Variants in SH2B1 observed in about 807,000 individuals in gnomAD.
SH2B1 encodes the protein SH2B adapter protein 1.
Under a neutral mutation model 62.6 loss-of-function variants are expected in SH2B1, and 15 were observed. That is an observed-to-expected ratio of 0.24 (90% CI 0.16 to 0.37). The LOEUF is 0.37. Among genes scored for constraint, SH2B1 ranks in the 10% least tolerant of loss-of-function variants. The pLI is 1.00. For missense variants in SH2B1, 925 were observed against 1,015.6 expected, an observed-to-expected ratio of 0.91 and a Z score of 1.21; for synonymous variants, 443 against 438.0, an observed-to-expected ratio of 1.01 and a Z score of -0.14.
rs1052880024 is a variant in SH2B1, at chr16:28,864,134, TG to T, written c.-1955del. 25 of 1,191,708 alleles carry T rather than the reference TG, an allele frequency of 2.1e-5. No individual in the cohort carries two copies. Among genetic ancestry groups the T allele is most frequent in the Admixed American group, 2.1e-4 (5 of 24,310 alleles). 73.8% of individuals were successfully genotyped at this position (1,191,708 alleles called of 1,614,324 possible). On this transcript the variant is annotated 5_prime_UTR_variant, in exon 1 of 8. It removes the in-frame stop codon of an upstream open reading frame in the 5' UTR. Transcript: ENST00000684370. ...GATGCGGCCCCGGAAAATGGGCGGC[TG>T]GGGGGTGTCCAGGGAGTAGGGTCGG...
At chr16:28,871,022 TG>T (rs1311700664) in intron 4 of SH2B1, among the ~76,000 whole-genome samples, 59 of 151,104 alleles carry the variant, frequency 3.9e-4, no homozygotes, top group African/African-American at 1.4e-3. Flanking sequence ...TGTGTGTGTG[TG>T]TGTGTGTGTT....
In SH2B1 at chr16:28,865,644, G is replaced by A. The variant is rs1567466094; in HGVS notation, c.-451G>A. 2.0e-6 allele frequency: 2 copies of A among 990,874 alleles called. No individual in the cohort carries two copies. The highest frequency in any genetic ancestry group is 2.4e-6 in the Non-Finnish European group (2 of 833,960). The allele number at this position is 990,874 out of a possible 1,614,324, so 61.4% of individuals were successfully genotyped here. On this transcript the variant is annotated 5_prime_UTR_variant, in exon 1 of 8. Coordinates refer to ENST00000684370, the MANE Select transcript of SH2B1 (RefSeq NM_001387430.1). ...GGAAAGGTAAGATAACCAAGTGGGA[G>A]CCTCTAGAATGGCTCATGGGAAGTG... is the stretch of plus-strand genomic sequence containing the variant.
chr16:28,870,152 A>G (rs1477009484), intron 4 of SH2B1, among the ~76,000 whole-genome samples: 1 of 152,242 alleles, frequency 6.6e-6, no homozygotes, highest in Non-Finnish European at 1.5e-5. Context: ...ACATTTGTGT[A>G]GGCAGTGGCC....
intron 4 of SH2B1, among the ~76,000 whole-genome samples, chr16:28,870,300 C>T (rs1005636405): frequency 1.3e-5 from 2 of 152,116 alleles, no homozygotes; most frequent in African/African-American, 4.8e-5. Flanking sequence ...GACATCACTC[C>T]CTATAGAAAG....
rs756586015 is a variant in SH2B1, at chr16:28,872,776, A to T, written c.1897+71A>T. The T allele has an allele frequency of 1.9e-6, 3 of 1,574,172 alleles. No individual in the cohort carries two copies. Among genetic ancestry groups the T allele is most frequent in the Non-Finnish European group, 2.6e-6 (3 of 1,151,836 alleles). On this transcript the variant is annotated intron_variant, in intron 7 of 7. Coordinates refer to ENST00000684370, the MANE Select transcript of SH2B1 (RefSeq NM_001387430.1). This position sits in a 1 kb window ranked among gnomAD's most constrained non-coding sequence, Gnocchi z 5.3. ...GAAGTGAGGTGTGTGTGCCAGAAAG[A>T]TGGGGCGGGGAGGGGGGACTATCAC...
At chr16:28,852,929 T>TTTATATATGTAC (rs1962208100) in intron 1 of SH2B1, among the ~76,000 whole-genome samples, 2 of 59,762 alleles carry the variant, frequency 3.3e-5, no homozygotes, top group Non-Finnish European at 5.8e-5. Context: ...TATATATTTT[T>TTTATATATGTAC]ATATATATGT....
chr16:28,864,167 G>A lies in SH2B1; in HGVS notation c.-1928G>A, dbSNP rs1276747639. The stretch of plus-strand genomic sequence containing the variant: ...GTCCAGGGAGTAGGGTCGGATCGGA[G>A]TATATGGACCACCGGGCCCGGAGGG... On this transcript the variant is annotated 5_prime_UTR_variant, in exon 1 of 8. Coordinates refer to ENST00000684370, the MANE Select transcript of SH2B1 (RefSeq NM_001387430.1). 2 of 1,107,934 alleles carry A rather than the reference G, an allele frequency of 1.8e-6. No individual in the cohort carries two copies. The highest frequency in any genetic ancestry group is 7.3e-5 in the East Asian group (1 of 13,658). The allele number at this position is 1,107,934 out of a possible 1,614,324, so 68.6% of individuals were successfully genotyped here.
chr16:28,872,285 G>A lies in SH2B1; in HGVS notation c.1609G>A (p.Ala537Thr). 6.2e-7 allele frequency: 1 copy of A among 1,614,090 alleles called. No homozygotes were observed. ...WFHGMLSRLK[A>T]AQLVLTGGTG... is the part of the protein sequence containing the mutation. ...CCACGGGATGCTCTCTCGGCTCAAGGCTGCACAGTTGGTGCTGACTGGCGG... is the reference window on the plus strand; with the variant it reads ...CCACGGGATGCTCTCTCGGCTCAAGACTGCACAGTTGGTGCTGACTGGCGG... Residue 537 changes from alanine (A) to threonine (T), a missense_variant, in exon 6 of 8, where the codon GCT becomes ACT. By Grantham distance (58) the Ala-to-Thr change is moderately conservative (BLOSUM62 0). This residue lies in a region of SH2B1 where 57 missense variants were observed against 122.1 expected (regional missense o/e 0.47). Transcript: ENST00000684370. This position sits in a 1 kb window ranked among gnomAD's most constrained non-coding sequence, Gnocchi z 5.3.
intron 1 of SH2B1, among the ~76,000 whole-genome samples, chr16:28,847,189 G>A (rs1284696639): frequency 6.6e-6 from 1 of 152,206 alleles, no homozygotes; most frequent in Non-Finnish European, 1.5e-5. Flanking sequence ...AGCTAGGGGA[G>A]CCTTTAAGGG....
At position 28,872,224 on chromosome 16, in the gene SH2B1, T is replaced by G; in HGVS notation, c.1548T>G (p.Gly516=). Residue 516 remains glycine, a synonymous_variant, in exon 6 of 8, where the codon GGT becomes GGG. Coordinates refer to ENST00000684370, the MANE Select transcript of SH2B1 (RefSeq NM_001387430.1). The surrounding 1 kb of genome is among the most constrained non-coding windows in gnomAD (Gnocchi z 5.3). The part of the protein sequence containing the change: ...SFLFQGEPEG[G]EGDQPLSGYP... ...TGTTCCAGGGGGAGCCAGAGGGCGG[T>G]GAGGGGGACCAGCCCCTCTCAGGGT... 1 of 1,613,646 alleles carries G rather than the reference T, an allele frequency of 6.2e-7. No individual in the cohort carries two copies. Among genetic ancestry groups the G allele is most frequent in the South Asian group, 1.1e-5 (1 of 91,066 alleles).
At chr16:28,861,685 C>G (rs546877470), upstream of SH2B1, 3 of 152,214 alleles carry the variant, frequency 2.0e-5, no homozygotes, top group African/African-American at 7.2e-5. Flanking sequence ...CCGCCTGTCT[C>G]GGCCTCCCAA....
chr16:28,852,511 C>CATATATATTTATATATACAT (rs1567458713), intron 1 of SH2B1, among the ~76,000 whole-genome samples: 1 of 42,782 alleles, frequency 2.3e-5, no homozygotes, highest in Non-Finnish European at 3.6e-5. Context: ...TATATATATA[C>CATATATATTTATATATACAT]ACATATATTT....
rs1026098410 is a variant in SH2B1 at position 28,864,527 on chromosome 16, T to G, written c.-1568T>G. ...AGTTGTCCCTGCGGTTGGAGCCATC[T>G]GAGCTTGTAGGGTCGAGGCCCAGGA... On this transcript the variant is annotated 5_prime_UTR_variant, in exon 1 of 8. Transcript: ENST00000684370. 1.0e-6 allele frequency: 1 copy of G among 985,664 alleles called. No homozygotes were observed. Among genetic ancestry groups the G allele is most frequent in the African/African-American group, 1.7e-5 (1 of 57,222 alleles). The allele number at this position is 985,664 out of a possible 1,614,324, so 61.1% of individuals were successfully genotyped here.
Position 28,871,971 on chromosome 16 carries a change from G to A in SH2B1, c.1501G>A (p.Glu501Lys). 6.2e-7 allele frequency: 1 copy of A among 1,602,992 alleles called. No individual in the cohort carries two copies. Among genetic ancestry groups the A allele is most frequent in the African/African-American group, 1.3e-5 (1 of 74,634 alleles). ...CCCCTACCCTCCCTTGGACACTCCG[G>A]AAACAGCCACAGGTACCGGAGGTGT... is the stretch of plus-strand genomic sequence containing the variant. ...SAPYPPLDTP[E>K]TATGSFLFQG... Residue 501 changes from glutamate to lysine, a missense_variant, in exon 5 of 8, where the codon GAA (glutamate) becomes AAA (lysine). Physicochemically the swap from Glu to Lys is moderately conservative, Grantham distance 56. This residue lies in a region of SH2B1 where 683 missense variants were observed against 704.0 expected (regional missense o/e 0.97). Coordinates refer to ENST00000684370, the MANE Select transcript of SH2B1 (RefSeq NM_001387430.1).
upstream of SH2B1, chr16:28,863,566 G>C (rs1344661422): frequency 1.9e-6 from 2 of 1,045,652 alleles, no homozygotes; most frequent in Non-Finnish European, 2.8e-6. Context: ...CCTAAGGCCG[G>C]TTCTCTATGG....
chr16:28,863,469 C>G (rs558048934), upstream of SH2B1: 2 of 533,526 alleles, frequency 3.7e-6, no homozygotes, highest in Non-Finnish European at 6.6e-6. Flanking sequence ...TAGGCTGCAG[C>G]GGGCCGTTCA....
chr16:28,847,928 C>G (rs1468340740), intron 1 of SH2B1, among the ~76,000 whole-genome samples: 1 of 146,828 alleles, frequency 6.8e-6, no homozygotes, highest in Non-Finnish European at 1.5e-5. Context: ...TGGGTTGAAG[C>G]AATTCTCCCA....
In SH2B1 at chr16:28,863,934, A is replaced by G; in HGVS notation, c.-2161A>G. ...GCCGCCGCCGGAGCTAACCTCGGGG[A>G]CCGAGATGCAGGTGGGACCGGAACC... On this transcript the variant is annotated 5_prime_UTR_variant, in exon 1 of 8. Coordinates refer to ENST00000684370, the MANE Select transcript of SH2B1 (RefSeq NM_001387430.1). 1 of 1,479,358 alleles carries G rather than the reference A, an allele frequency of 6.8e-7. No individual in the cohort carries two copies. Among genetic ancestry groups the G allele is most frequent in the East Asian group, 2.5e-5 (1 of 40,046 alleles). The allele number at this position is 1,479,358 out of a possible 1,614,324, so 91.6% of individuals were successfully genotyped here. A position where few individuals can be genotyped will look rare whatever the true frequency, so the allele number is the denominator to read the frequency against.
upstream of SH2B1, chr16:28,863,805 C>T: frequency 2.0e-6 from 3 of 1,535,378 alleles, no homozygotes; most frequent in Non-Finnish European, 2.6e-6. Flanking sequence ...ATGGTCTCTT[C>T]CTTCAGCGAC....
Sources: gnomAD v4.1 joint callset for allele counts (sites outside exome capture counted in the v4.1 genomes callset) on GRCh38, gnomAD v4.1.1 for gene constraint, gnomAD v4.1.1 regional missense constraint, Gnocchi (gnomAD v3.1) non-coding constraint, MANE v1.5 for transcripts, NCBI Gene and HGNC (gene_info 2026-07-23, HGNC 2026-07-21) for gene names.